WDR19: variants seen among roughly 807,000 people sequenced by gnomAD.
WDR19 encodes WD repeat domain 19.
In WDR19, 121 loss-of-function variants were observed where a neutral mutation model predicts 180.0. That is an observed-to-expected ratio of 0.67 (90% CI 0.58 to 0.78). The LOEUF (loss-of-function observed/expected upper bound fraction) is 0.78. WDR19 is among the 30% of genes least tolerant of loss of function. The probability of loss-of-function intolerance (pLI) is 0.00; values close to 1 mark genes in which losing one functional copy is unlikely to be tolerated. For synonymous variants in WDR19, 497 were observed against 540.7 expected (o/e 0.92, Z 1.12); for missense variants, 1,450 against 1,640.7 (o/e 0.88, Z 2.01).
At chr4:39,208,661 A>G (rs565615404) in intron 9 of WDR19, among the ~76,000 whole-genome samples, 16 of 152,276 alleles carry the variant, frequency 1.1e-4, no homozygotes, top group South Asian at 4.1e-4. Flanking sequence ...CACTTCAAAT[A>G]TAATGATATA....
At position 39,215,891 on chromosome 4, in the gene WDR19, A is replaced by T. The variant is rs1729016178; in HGVS notation, c.1012A>T (p.Thr338Ser). 1 of 1,613,812 alleles carries T rather than the reference A, an allele frequency of 6.2e-7. No individual in the cohort carries two copies. Among genetic ancestry groups the T allele is most frequent in the Non-Finnish European group, 8.5e-7 (1 of 1,179,812 alleles). Residue 338 changes from threonine (T) to serine (S), a missense_variant, in exon 11 of 37, where the codon ACC becomes TCC. Transcript: ENST00000399820. ...TDDGQLLALSTQRGSLHVFLT... is the reference protein window; with the variant it reads ...TDDGQLLALSSQRGSLHVFLT... ...TGATGGCCAGTTGCTAGCACTCTCTACCCAAAGGGGCTCACTTCATGTTTT... is the reference window on the plus strand; with the variant it reads ...TGATGGCCAGTTGCTAGCACTCTCTTCCCAAAGGGGCTCACTTCATGTTTT...
chr4:39,188,888 A>G (rs1342313594), intron 3 of WDR19, among the ~76,000 whole-genome samples: 1 of 151,882 alleles, frequency 6.6e-6, no homozygotes, highest in Non-Finnish European at 1.5e-5. Context: ...GTAGCTGAGT[A>G]GCATGTGCAT....
chr4:39,207,177 A>G (rs1038721196), intron 9 of WDR19, among the ~76,000 whole-genome samples: 1 of 152,346 alleles, frequency 6.6e-6, no homozygotes, highest in African/African-American at 2.4e-5. Context: ...AAATTTTAGA[A>G]CTATAAAATG....
In WDR19 at chr4:39,278,634, C is replaced by T. The variant is rs775879073; in HGVS notation, c.4013C>T (p.Thr1338Met). The T allele has an allele frequency of 6.2e-6, 10 of 1,611,444 alleles. No individual in the cohort carries two copies. Among genetic ancestry groups the T allele is most frequent in the African/African-American group, 2.7e-5 (2 of 74,952 alleles). Reference sequence around the variant, plus strand: ...TCAGACTGTACCCAGTACCTGCGAACGGAGGAGGAACTGTGATTGGCACGT... The same window carrying T: ...TCAGACTGTACCCAGTACCTGCGAATGGAGGAGGAACTGTGATTGGCACGT... Reference protein sequence around the residue: ...KISDCTQYLRTEEEL With the variant: ...KISDCTQYLRMEEEL Residue 1338 changes from threonine (T) to methionine (M), a missense_variant, in exon 36 of 37, where the codon ACG becomes ATG. Thr to Met is a moderately conservative substitution (Grantham distance 81). Coordinates refer to ENST00000399820, the MANE Select transcript of WDR19 (RefSeq NM_025132.4).
At chr4:39,250,442 G>A (rs542086500) in intron 24 of WDR19, among the ~76,000 whole-genome samples, 300 of 152,124 alleles carry the variant, frequency 2.0e-3, no homozygotes, top group African/African-American at 6.6e-3. Context: ...TTTGAAAACC[G>A]TCAAAAGACA....
At chr4:39,217,280 T>C in intron 13 of WDR19, 40 bp downstream of exon 13, 5 of 1,423,942 alleles carry the variant, frequency 3.5e-6, no homozygotes, top group African/African-American at 1.4e-5. Context: ...CGCTAAGTTA[T>C]AATGAACAGC....
chr4:39,224,823 AAGTT>A (rs1730074223), intron 14 of WDR19, 57 bp from the exon 15 acceptor site: 1 of 1,377,976 alleles, frequency 7.3e-7, no homozygotes, highest in East Asian at 2.6e-5. Flanking sequence ...TAAATGTTGA[AAGTT>A]AGGATTTCCT....
chr4:39,236,233 T>A (rs6839137), intron 20 of WDR19, among the ~76,000 whole-genome samples: 9,261 of 152,104 alleles, frequency 0.061, 937 homozygotes, highest in African/African-American at 0.21. Flanking sequence ...AGAATCAACC[T>A]AAGTGTCCCA....
chr4:39,273,858 T>A (rs527642499), intron 32 of WDR19: 1 of 152,346 alleles, frequency 6.6e-6, no homozygotes, highest in African/African-American at 2.4e-5. Context: ...CCAAAAGACA[T>A]GTCATGATAA....
Position 39,214,284 on chromosome 4 carries a change from G to A in WDR19, c.891-317G>A, listed in dbSNP as rs962720514. ...TAATACTACTCAGGAGAATATTTTC[G>A]TACCCAAATTTCTTCAGGACAATTT... On this transcript the variant is annotated intron_variant, in intron 9 of 36. Coordinates refer to ENST00000399820, the MANE Select transcript of WDR19 (RefSeq NM_025132.4). Among the ~76,000 whole-genome samples the A allele has an allele frequency of 1.3e-4, 20 of 152,106 alleles. 1 individual carries two copies. The highest frequency in any genetic ancestry group is 6.5e-4 in the Admixed American group (10 of 15,274).
At chr4:39,228,948 C>G (rs1730578122) in intron 17 of WDR19, among the ~76,000 whole-genome samples, 1 of 152,084 alleles carries the variant, frequency 6.6e-6, no homozygotes, top group East Asian at 1.9e-4. Context: ...ATCCCTCAAC[C>G]CTGTCTCACC....
chr4:39,247,832 C>G (rs1732700279), intron 24 of WDR19, among the ~76,000 whole-genome samples: 1 of 151,088 alleles, frequency 6.6e-6, no homozygotes, highest in African/African-American at 2.4e-5. Flanking sequence ...CGAACAAAGC[C>G]TCCAAGAAAT....
chr4:39,267,540 G>A (rs1734937764), intron 29 of WDR19, among the ~76,000 whole-genome samples: 1 of 152,194 alleles, frequency 6.6e-6, no homozygotes, highest in Admixed American at 6.5e-5. Context: ...AAATGTTATA[G>A]GTCAGAGAAA....
At chr4:39,259,890 G>T (rs1426090221) in intron 28 of WDR19, among the ~76,000 whole-genome samples, 2 of 152,150 alleles carry the variant, frequency 1.3e-5, no homozygotes, top group African/African-American at 4.8e-5. Context: ...CCTTGATATT[G>T]TCAGCTATCT....
chr4:39,222,864 CA>C (rs1729837856), intron 14 of WDR19, among the ~76,000 whole-genome samples: 1 of 152,166 alleles, frequency 6.6e-6, no homozygotes, highest in African/African-American at 2.4e-5. Context: ...AGTCAACATA[CA>C]GAACAATTCT....
chr4:39,259,479 TTA>T (rs1018510356), intron 28 of WDR19, among the ~76,000 whole-genome samples: 1 of 152,224 alleles, frequency 6.6e-6, no homozygotes, highest in Non-Finnish European at 1.5e-5. Flanking sequence ...CCTAGACATT[TTA>T]TATAAATGGA....
rs1386597327 is a variant in WDR19 at position 39,216,096 on chromosome 4, G to A, written c.1135G>A (p.Glu379Lys). ...TTTATTACTATTTTCTTTATTATAG[G>A]AGCTACCAATCACAGTTTCTGTTGA... is the stretch of plus-strand genomic sequence containing the variant. Reference protein sequence around the residue: ...EVTVANPVEGELPITVSVDVE... With the variant: ...EVTVANPVEGKLPITVSVDVE... The change falls in exon 12 of 37, where the codon GAG becomes AAG. Residue 379 changes from glutamate to lysine, a missense_variant and splice_region_variant. Physicochemically the swap from Glu to Lys is moderately conservative, Grantham distance 56. Transcript: ENST00000399820. 1 of 1,574,950 alleles carries A rather than the reference G, an allele frequency of 6.3e-7. No individual in the cohort carries two copies. Among genetic ancestry groups the A allele is most frequent in the African/African-American group, 1.4e-5 (1 of 73,896 alleles).
intron 14 of WDR19, among the ~76,000 whole-genome samples, chr4:39,222,365 A>G (rs1387018404): frequency 6.6e-6 from 1 of 151,982 alleles, no homozygotes; most frequent in Admixed American, 6.6e-5. Context: ...CACAGATTGT[A>G]TTTTTATTCT....
At chr4:39,254,239 A>G (rs1222056294) in intron 26 of WDR19, among the ~76,000 whole-genome samples, 2 of 152,184 alleles carry the variant, frequency 1.3e-5, no homozygotes, top group Non-Finnish European at 2.9e-5. Flanking sequence ...ATTAAAAAGG[A>G]CTATTTTCAA....
Sources: gnomAD v4.1 joint callset for allele counts (sites outside exome capture counted in the v4.1 genomes callset) on GRCh38, gnomAD v4.1.1 for gene constraint, MANE v1.5 for transcripts, NCBI Gene and HGNC (gene_info 2026-07-23, HGNC 2026-07-21) for gene names.